SLC24A2: variants seen among roughly 807,000 people sequenced by gnomAD.
SLC24A2 encodes the protein solute carrier family 24 member 2.
Under a neutral mutation model 62.0 loss-of-function variants are expected in SLC24A2, and 36 were observed. The observed-to-expected ratio is 0.58, with a 90% confidence interval of 0.44 to 0.77. The LOEUF is 0.77. Ranked by LOEUF, SLC24A2 falls within the 30% of genes least tolerant of loss-of-function variation. The pLI, the probability that SLC24A2 is intolerant of heterozygous loss-of-function variation, is 0.00. For missense variants in SLC24A2, 846 were observed against 817.9 expected (o/e 1.03, Z -0.42); for synonymous variants, 358 against 294.0 (o/e 1.22, Z -2.23).
At chr9:20,061,234 T>A in the SLC24A2 span, among the ~76,000 whole-genome samples, 3 of 151,896 alleles carry the variant, frequency 2.0e-5, no homozygotes, top group East Asian at 5.8e-4. Context: ...GATAGACCTA[T>A]ATGGATCAGT....
intron 2 of SLC24A2, among the ~76,000 whole-genome samples, chr9:19,728,916 TA>T (rs1821253623): frequency 6.6e-6 from 1 of 152,034 alleles, no homozygotes; most frequent in Non-Finnish European, 1.5e-5. Flanking sequence ...GTATGCAAAT[TA>T]AAAGCTAAAA....
chr9:20,071,115 A>T, the SLC24A2 span, among the ~76,000 whole-genome samples: 1 of 152,088 alleles, frequency 6.6e-6, no homozygotes, highest in Non-Finnish European at 1.5e-5. Flanking sequence ...TTCCACCATG[A>T]TTGGAAGCTT....
At chr9:19,651,855 C>T (rs892628415) in intron 2 of SLC24A2, among the ~76,000 whole-genome samples, 5 of 152,182 alleles carry the variant, frequency 3.3e-5, no homozygotes, top group Non-Finnish European at 5.9e-5. Flanking sequence ...CTATGACATG[C>T]GCCGCAGGCT....
intron 5 of SLC24A2, among the ~76,000 whole-genome samples, chr9:19,591,884 T>C (rs1054939361): frequency 6.6e-6 from 1 of 152,246 alleles, no homozygotes; most frequent in Non-Finnish European, 1.5e-5. Flanking sequence ...GATGTATCAG[T>C]GTGTATGACA....
At chr9:19,529,699 A>G (rs534910295) in intron 8 of SLC24A2, among the ~76,000 whole-genome samples, 2 of 151,710 alleles carry the variant, frequency 1.3e-5, no homozygotes, top group East Asian at 3.9e-4. Context: ...TTAATGGGTA[A>G]TGGGGGAAAT....
chr9:19,778,326 C>T (rs1277678706), intron 2 of SLC24A2, among the ~76,000 whole-genome samples: 1 of 152,092 alleles, frequency 6.6e-6, no homozygotes, highest in Non-Finnish European at 1.5e-5. Context: ...AAGGTATTTG[C>T]CATTCCTTAG....
At chr9:19,966,420 G>T in the SLC24A2 span, among the ~76,000 whole-genome samples, 1 of 152,112 alleles carries the variant, frequency 6.6e-6, no homozygotes, top group Non-Finnish European at 1.5e-5. Flanking sequence ...TAGCGGGTAT[G>T]AACACAAAGA....
chr9:19,745,832 T>C (rs944834718), intron 2 of SLC24A2, among the ~76,000 whole-genome samples: 1 of 152,204 alleles, frequency 6.6e-6, no homozygotes, highest in Non-Finnish European at 1.5e-5. Flanking sequence ...AACCATCATA[T>C]GTAAATGTAA....
chr9:19,863,416 T>C, the SLC24A2 span, among the ~76,000 whole-genome samples: 8 of 151,810 alleles, frequency 5.3e-5, no homozygotes, highest in East Asian at 3.8e-4. Context: ...CAGAACATTT[T>C]ATCCAAGAAC....
the SLC24A2 span, among the ~76,000 whole-genome samples, chr9:20,290,855 G>C: frequency 1.3e-5 from 2 of 152,230 alleles, no homozygotes; most frequent in Admixed American, 6.5e-5. Context: ...TTGCAACCTT[G>C]TGCCCAGGAG....
intron 7 of SLC24A2, among the ~76,000 whole-genome samples, chr9:19,559,417 A>C (rs2132790131): frequency 6.6e-6 from 1 of 152,338 alleles, no homozygotes; most frequent in Middle Eastern, 3.4e-3. Context: ...AAAATTTCAC[A>C]GCACTAAGGA....
chr9:20,290,553 GAGAA>G, the SLC24A2 span, among the ~76,000 whole-genome samples: 1 of 152,380 alleles, frequency 6.6e-6, no homozygotes, highest in East Asian at 1.9e-4. Context: ...TGTGATCACA[GAGAA>G]AGCTTAGCGC....
the SLC24A2 span, among the ~76,000 whole-genome samples, chr9:20,284,551 C>T: frequency 1.3e-5 from 2 of 152,068 alleles, no homozygotes; most frequent in East Asian, 3.9e-4. Flanking sequence ...GTGGTATAGT[C>T]AAGCCAATGA....
the SLC24A2 span, among the ~76,000 whole-genome samples, chr9:20,134,235 C>T: frequency 2.6e-5 from 4 of 152,130 alleles, no homozygotes; most frequent in African/African-American, 9.7e-5. Flanking sequence ...GGTGGATGAA[C>T]TGATTCTGAA....
At chr9:20,201,231 T>A in the SLC24A2 span, among the ~76,000 whole-genome samples, 4 of 152,214 alleles carry the variant, frequency 2.6e-5, no homozygotes, top group African/African-American at 9.6e-5. Context: ...CCAAACTTCA[T>A]CCCATGGCTT....
the SLC24A2 span, among the ~76,000 whole-genome samples, chr9:20,153,621 A>C: frequency 6.6e-6 from 1 of 151,884 alleles, no homozygotes; most frequent in Non-Finnish European, 1.5e-5. Context: ...TTGTTCTATG[A>C]TTACTATGGG....
At chr9:19,677,449 A>T (rs1819593037) in intron 2 of SLC24A2, among the ~76,000 whole-genome samples, 1 of 152,192 alleles carries the variant, frequency 6.6e-6, no homozygotes, top group African/African-American at 2.4e-5. Flanking sequence ...GGGCAGAAGG[A>T]GGTAGAGTAT....
chr9:20,153,500 C>A, the SLC24A2 span, among the ~76,000 whole-genome samples: 1 of 151,830 alleles, frequency 6.6e-6, no homozygotes, highest in African/African-American at 2.4e-5. Context: ...ATTTCTCTGA[C>A]CTAGGTACCT....
At chr9:19,860,531 G>A in the SLC24A2 span, among the ~76,000 whole-genome samples, 20 of 152,044 alleles carry the variant, frequency 1.3e-4, no homozygotes, top group African/African-American at 3.4e-4. Flanking sequence ...GGTGGCTATG[G>A]GTCAAGATTC....
Sources: gnomAD v4.1 joint callset for allele counts (sites outside exome capture counted in the v4.1 genomes callset) on GRCh38, gnomAD v4.1.1 for gene constraint, MANE v1.5 for transcripts, NCBI Gene and HGNC (gene_info 2026-07-23, HGNC 2026-07-21) for gene names.